DPYS: variants seen among roughly 807,000 people sequenced by gnomAD.
DPYS encodes dihydropyrimidinase.
Under a neutral mutation model 50.3 loss-of-function variants are expected in DPYS, and 39 were observed. The observed-to-expected ratio is 0.78, with a 90% CI of 0.60 to 1.01. The LOEUF (loss-of-function observed/expected upper bound fraction) is 1.01. DPYS is among the 50% of genes least tolerant of loss of function. The pLI, the probability that DPYS is intolerant of heterozygous loss-of-function variation, is 0.00. For synonymous variants in DPYS, 245 were observed against 250.7 expected (o/e 0.98, Z 0.22); for missense variants, 659 against 680.9 (o/e 0.97, Z 0.36).
At chr8:104,456,560 C>A (rs1374168887) in intron 1 of DPYS, among the ~76,000 whole-genome samples, 1 of 152,180 alleles carries the variant, frequency 6.6e-6, no homozygotes, top group Non-Finnish European at 1.5e-5. Flanking sequence ...CTCTCCTCAA[C>A]CCCAGACTGG....
At chr8:104,401,401 G>A (rs927844244) in intron 7 of DPYS, among the ~76,000 whole-genome samples, 3 of 151,814 alleles carry the variant, frequency 2.0e-5, no homozygotes, top group Non-Finnish European at 4.4e-5. Context: ...CAGCTAGTAA[G>A]TTCATGTAGC....
At chr8:104,389,607 C>T (rs1361738646) in intron 8 of DPYS, among the ~76,000 whole-genome samples, 1 of 151,512 alleles carries the variant, frequency 6.6e-6, no homozygotes, top group Admixed American at 6.6e-5. Context: ...TATCACAAAT[C>T]CTGGCTCTTA....
chr8:104,412,298 A>G (rs1812209016), intron 7 of DPYS, among the ~76,000 whole-genome samples: 1 of 152,242 alleles, frequency 6.6e-6, no homozygotes, highest in African/African-American at 2.4e-5. Flanking sequence ...ACAGAAAGAA[A>G]GCACTAACCT....
intron 6 of DPYS, 114 bp downstream of exon 6, chr8:104,427,866 A>T: frequency 1.3e-6 from 2 of 1,482,086 alleles, no homozygotes; most frequent in Non-Finnish European, 1.9e-6. Flanking sequence ...TATCCTCCCT[A>T]GTAAAAACAA....
chr8:104,405,543 C>A (rs764223814), intron 7 of DPYS, among the ~76,000 whole-genome samples: 2 of 152,236 alleles, frequency 1.3e-5, no homozygotes, highest in Admixed American at 6.5e-5. Context: ...CATTGACACT[C>A]CTGAAATAAA....
At chr8:104,399,311 C>A (rs199583116) in intron 7 of DPYS, among the ~76,000 whole-genome samples, 1,360 of 27,216 alleles carry the variant, frequency 0.05, 57 homozygotes, top group Non-Finnish European at 0.068. Flanking sequence ...AAAAAAAAAA[C>A]AACAACAAAA....
chr8:104,390,536 C>T (rs991755275), intron 8 of DPYS, among the ~76,000 whole-genome samples: 11 of 149,232 alleles, frequency 7.4e-5, no homozygotes, highest in East Asian at 2.0e-4. Context: ...CTCACTCTGT[C>T]GCCCAGGCTG....
chr8:104,443,893 AAAAC>A (rs1012092553), intron 4 of DPYS, among the ~76,000 whole-genome samples: 7 of 152,166 alleles, frequency 4.6e-5, no homozygotes, highest in Non-Finnish European at 8.8e-5. Flanking sequence ...ACTCCATCAC[AAAAC>A]AAACAAACAA....
chr8:104,454,158 G>A (rs61512056), intron 1 of DPYS, among the ~76,000 whole-genome samples: 6,422 of 152,168 alleles, frequency 0.042, 446 homozygotes, highest in African/African-American at 0.15. Flanking sequence ...ACCTGAAGCA[G>A]GTGGATCACC....
At position 104,447,419 on chromosome 8, in the gene DPYS, C is replaced by A; in HGVS notation, c.508G>T (p.Val170Leu). 6.2e-7 allele frequency: 1 copy of A among 1,613,990 alleles called. No homozygotes were observed. Among genetic ancestry groups the A allele is most frequent in the South Asian group, 1.1e-5 (1 of 91,048 alleles). ...GCTTCGTACAGCTCCAGGTCTGTCA[C>A]CATGTACAGATCTTTATAGGCCATA... ...MFMAYKDLYM[V>L]TDLELYEAFS... The change falls in exon 3 of 10, where the codon GTG (valine) becomes TTG (leucine). Residue 170 changes from valine to leucine, a missense_variant. By Grantham distance (32) the Val-to-Leu change is conservative. Coordinates refer to ENST00000351513, the MANE Select transcript of DPYS (RefSeq NM_001385.3).
chr8:104,426,128 G>C (rs546356869), intron 6 of DPYS, among the ~76,000 whole-genome samples: 12 of 152,242 alleles, frequency 7.9e-5, no homozygotes, highest in Admixed American at 4.6e-4. Context: ...GTGGAGGAAG[G>C]GGGGTGAGGA....
chr8:104,381,525 C>T (rs1176131980), intron 8 of DPYS: 22 of 520,000 alleles, frequency 4.2e-5, no homozygotes, highest in Non-Finnish European at 7.4e-5. Flanking sequence ...CTGCCTCAGA[C>T]AGAGGCCCAG....
At chr8:104,380,683 C>G (rs1224536945) in intron 9 of DPYS, 1 of 157,032 alleles carries the variant, frequency 6.4e-6, no homozygotes, top group Admixed American at 6.0e-5. Flanking sequence ...ATATTATTCC[C>G]AAAACTAACT....
intron 4 of DPYS, among the ~76,000 whole-genome samples, chr8:104,431,635 G>T (rs1352214742): frequency 1.3e-5 from 2 of 152,014 alleles, no homozygotes; most frequent in Non-Finnish European, 2.9e-5. Flanking sequence ...ATTATGGGTT[G>T]TGTTAGATTT....
At position 104,463,913 on chromosome 8, in the gene DPYS, A is replaced by T. The variant is rs187741682; in HGVS notation, c.264+2744T>A. 2.6e-5 allele frequency among the ~76,000 whole-genome samples: 4 copies of T among 152,230 alleles called. 1 individual carries two copies. Among genetic ancestry groups the T allele is most frequent in the African/African-American group, 9.6e-5 (4 of 41,558 alleles). On this transcript the variant is annotated intron_variant, in intron 1 of 9. Transcript: ENST00000351513. The stretch of plus-strand genomic sequence containing the variant: ...AATACTGTAATGTTTATGTTTATCT[A>T]TATTTCCCCATCTGGTTCACTTTAT...
rs146195908 is a variant in DPYS, at chr8:104,436,232, T to A, written c.794-6531A>T. Among the ~76,000 whole-genome samples, 330 of 152,206 alleles carry A rather than the reference T, an allele frequency of 2.2e-3. 1 individual carries two copies. Among genetic ancestry groups the A allele is most frequent in the African/African-American group, 6.0e-3 (249 of 41,528 alleles). On this transcript the variant is annotated intron_variant, in intron 4 of 9. Transcript: ENST00000351513. The stretch of plus-strand genomic sequence containing the variant: ...GACCAACTGAACTGTCCCGTCAACA[T>A]ACGGACAGCCAAGGATCACCAGACT...
intron 4 of DPYS, among the ~76,000 whole-genome samples, chr8:104,439,411 G>A (rs191728613): frequency 1.3e-5 from 2 of 152,196 alleles, no homozygotes; most frequent in African/African-American, 4.8e-5. Flanking sequence ...GATAAAAATA[G>A]CAAAATGATA....
In DPYS at chr8:104,389,434, C is replaced by A. The variant is rs147009969; in HGVS notation, c.1443+3350G>T. 3.3e-5 allele frequency among the ~76,000 whole-genome samples: 5 copies of A among 152,248 alleles called. No individual in the cohort carries two copies. The East Asian group carries it at 9.6e-4, about 29-fold the overall frequency. ...GAACCATCTCCAGACAGTTCCCAAA[C>A]CTCATTTCATTTTATCCATTTTATT... On this transcript the variant is annotated intron_variant, in intron 8 of 9. Transcript: ENST00000351513.
In DPYS at chr8:104,429,542, T is replaced by A; in HGVS notation, c.950+3A>T. The A allele has an allele frequency of 6.2e-7, 1 of 1,614,032 alleles. No homozygotes were observed. The highest frequency in any genetic ancestry group is 1.1e-5 in the South Asian group (1 of 91,080). On this transcript the variant is annotated splice_donor_region_variant and intron_variant, in intron 5 of 9. Transcript: ENST00000351513. ...ACTTCCCAGTCATCTGCAAAATGAT[T>A]ACTTAGCCAACAGATTCATGAGGAA... is the stretch of plus-strand genomic sequence containing the variant.
Sources: allele counts gnomAD v4.1 joint callset (sites outside exome capture counted in the v4.1 genomes callset), GRCh38; gene constraint gnomAD v4.1.1; transcripts MANE v1.5; gene names NCBI Gene and HGNC (gene_info 2026-07-23, HGNC 2026-07-21).